FARP2: variants seen among roughly 807,000 people sequenced by gnomAD.
FARP2 encodes the protein FERM, ARH/RhoGEF and pleckstrin domain protein 2, also known as FERM, ARHGEF and pleckstrin domain-containing protein 2.
A neutral mutation model predicts 130.5 loss-of-function variants in FARP2; 111 were observed. The observed-to-expected ratio is 0.85, with a 90% CI of 0.73 to 1.00. The LOEUF is 1.00. Among genes scored for constraint, FARP2 ranks in the 50% least tolerant of loss-of-function variants. The pLI, the probability that FARP2 is intolerant of heterozygous loss-of-function variation, is 0.00. For synonymous variants in FARP2, 504 were observed against 516.9 expected (o/e 0.98, Z 0.34); for missense variants, 1,385 against 1,346.3 (o/e 1.03, Z -0.45).
At chr2:241,464,042 C>A in intron 17 of FARP2, 62 bp downstream of exon 17, 2 of 1,392,784 alleles carry the variant, frequency 1.4e-6, no homozygotes, top group Non-Finnish European at 2.0e-6. Context: ...ACCATCTTCC[C>A]GAAGCTGAGG....
rs979920625 is a variant in FARP2 at position 241,410,710 on chromosome 2, G to A, written c.411-323G>A. 1.2e-4 allele frequency among the ~76,000 whole-genome samples: 18 copies of A among 152,236 alleles called. No homozygotes were observed. In the South Asian group the frequency reaches 3.5e-3, roughly 30 times the overall value. On this transcript the variant is annotated intron_variant, in intron 5 of 26. Coordinates refer to ENST00000264042, the MANE Select transcript of FARP2 (RefSeq NM_014808.4). The stretch of plus-strand genomic sequence containing the variant: ...CTCCCAAAGTGCTGGGATTACAGGC[G>A]GGAGCCATCGCCCCTGGCCAATTTC...
intron 1 of FARP2, among the ~76,000 whole-genome samples, chr2:241,361,926 ACT>A (rs755443408): frequency 1.5e-4 from 22 of 150,570 alleles, no homozygotes; most frequent in Non-Finnish European, 2.5e-4. Flanking sequence ...ACAGAGTTTC[ACT>A]CTGTCACCCA....
chr2:241,405,546 T>G (rs1417175599), intron 4 of FARP2: 1 of 152,220 alleles, frequency 6.6e-6, no homozygotes, highest in Non-Finnish European at 1.5e-5. Context: ...AACAAGGATC[T>G]CTGAGGAAAG....
intron 8 of FARP2, among the ~76,000 whole-genome samples, chr2:241,418,831 C>A (rs780287037): frequency 6.6e-6 from 1 of 152,134 alleles, no homozygotes; most frequent in Non-Finnish European, 1.5e-5. Flanking sequence ...AAAGCTCTTG[C>A]GGGGGCTCCC....
At chr2:241,423,865 A>G (rs2062867321) in intron 8 of FARP2, among the ~76,000 whole-genome samples, 1 of 152,212 alleles carries the variant, frequency 6.6e-6, no homozygotes, top group South Asian at 2.1e-4. Flanking sequence ...AAAGACAAAG[A>G]TGGGCATTAT....
intron 19 of FARP2, among the ~76,000 whole-genome samples, chr2:241,479,797 C>G (rs2064570123): frequency 6.6e-6 from 1 of 152,222 alleles, no homozygotes; most frequent in Non-Finnish European, 1.5e-5. Context: ...TGCCATGTCG[C>G]TCCTGGCATA....
At chr2:241,483,215 T>C (rs2064660984) in intron 19 of FARP2, among the ~76,000 whole-genome samples, 2 of 152,210 alleles carry the variant, frequency 1.3e-5, no homozygotes, top group Non-Finnish European at 2.9e-5. Flanking sequence ...GCTCCAGGGC[T>C]CCTAGCCCAG....
chr2:241,467,511 G>A (rs1190649879), intron 17 of FARP2, among the ~76,000 whole-genome samples: 7 of 152,066 alleles, frequency 4.6e-5, no homozygotes, highest in South Asian at 4.1e-4. Context: ...TGAGCCGGGC[G>A]TGGTGGCACA....
chr2:241,429,453 T>C (rs921125206), intron 8 of FARP2, among the ~76,000 whole-genome samples: 1 of 152,236 alleles, frequency 6.6e-6, no homozygotes, highest in African/African-American at 2.4e-5. Flanking sequence ...GATCAGACCC[T>C]GGGCTCACTG....
At chr2:241,453,553 C>A (rs1165087810) in intron 13 of FARP2, among the ~76,000 whole-genome samples, 2 of 150,668 alleles carry the variant, frequency 1.3e-5, no homozygotes, top group Admixed American at 6.6e-5. Context: ...ACCTGGGAGG[C>A]GGAGCTTGCA....
chr2:241,414,757 G>A (rs191714524), intron 7 of FARP2, among the ~76,000 whole-genome samples: 10 of 152,336 alleles, frequency 6.6e-5, no homozygotes, highest in African/African-American at 1.4e-4. Flanking sequence ...GCAGTGTAGC[G>A]GGAGCATAGC....
At chr2:241,492,587 T>TAA in intron 24 of FARP2, 1 of 197,034 alleles carries the variant, frequency 5.1e-6, no homozygotes. Context: ...CCCATCATTT[T>TAA]AAAGAACCTT....
At chr2:241,370,104 C>A (rs1031357687) in intron 1 of FARP2, among the ~76,000 whole-genome samples, 1 of 152,048 alleles carries the variant, frequency 6.6e-6, no homozygotes, top group African/African-American at 2.4e-5. Flanking sequence ...GAAATAAGAT[C>A]TATTGTTTGG....
At chr2:241,378,167 T>C (rs2150309134) in intron 2 of FARP2, among the ~76,000 whole-genome samples, 1 of 152,162 alleles carries the variant, frequency 6.6e-6, no homozygotes, top group African/African-American at 2.4e-5. Flanking sequence ...AATGGCATGA[T>C]TTCAGCTCAC....
chr2:241,394,136 A>C (rs758322802), intron 2 of FARP2, among the ~76,000 whole-genome samples: 1 of 152,200 alleles, frequency 6.6e-6, no homozygotes, highest in Non-Finnish European at 1.5e-5. Context: ...GGGAACATGC[A>C]GTGATTATTG....
intron 7 of FARP2, among the ~76,000 whole-genome samples, chr2:241,416,394 A>C (rs1038535959): frequency 3.3e-5 from 5 of 152,176 alleles, no homozygotes; most frequent in African/African-American, 1.2e-4. Context: ...TGTTAATTTG[A>C]GACTGTGTCT....
In FARP2 at chr2:241,417,964, G is replaced by A. The variant is rs772799362; in HGVS notation, c.626G>A (p.Gly209Asp). 10 of 1,614,110 alleles carry A rather than the reference G, an allele frequency of 6.2e-6. No homozygotes were observed. In the East Asian group the frequency reaches 6.7e-5, roughly 11 times the overall value. The change falls in exon 8 of 27, where the codon GGC (glycine) becomes GAC (aspartate). Residue 209 changes from glycine (G) to aspartate (D), a missense_variant and splice_region_variant. Physicochemically the swap from Gly to Asp is moderately conservative, Grantham distance 94 (BLOSUM62 -1). Transcript: ENST00000264042. ...GATTCTACCATTTTTTATTACAGGG[G>A]CCAGACACCTGCTGAGTCGGATTTC... is the stretch of plus-strand genomic sequence containing the variant. ...KILEFHQKHV[G>D]QTPAESDFQV...
Position 241,484,513 on chromosome 2 carries a change from G to A in FARP2, c.2421+182G>A, listed in dbSNP as rs146566663. On this transcript the variant is annotated intron_variant, in intron 21 of 26. Coordinates refer to ENST00000264042, the MANE Select transcript of FARP2 (RefSeq NM_014808.4). ...TTGTTGGTTGTTTCTGACCCTCATG[G>A]TCATTGTTGTTATTGATGCTCAAAC... Among the ~76,000 whole-genome samples the A allele has an allele frequency of 8.1e-3, 1,239 of 152,330 alleles. 7 individuals are homozygous for A. Among genetic ancestry groups the A allele is most frequent in the Non-Finnish European group, 0.012 (828 of 68,026 alleles).
intron 21 of FARP2, among the ~76,000 whole-genome samples, chr2:241,486,329 G>T (rs1247557685): frequency 6.8e-6 from 1 of 146,192 alleles, no homozygotes; most frequent in African/African-American, 2.5e-5. Flanking sequence ...AGCAAAAGTG[G>T]TGTGTGCCTG....
Sources: allele counts gnomAD v4.1 joint callset (sites outside exome capture counted in the v4.1 genomes callset), GRCh38; gene constraint gnomAD v4.1.1; transcripts MANE v1.5; gene names NCBI Gene and HGNC (gene_info 2026-07-23, HGNC 2026-07-21).